CDKL4: variants seen among roughly 807,000 people sequenced by gnomAD.
The protein encoded by CDKL4 is cyclin dependent kinase like 4.
A neutral mutation model predicts 42.0 loss-of-function variants in CDKL4; 44 were observed. The observed-to-expected ratio is 1.05, with a 90% CI of 0.82 to 1.35. The LOEUF (loss-of-function observed/expected upper bound fraction) is 1.35. Among genes scored for constraint, CDKL4 ranks in the 40% most tolerant of loss-of-function variants. The pLI, the probability that CDKL4 is intolerant of heterozygous loss-of-function variation, is 0.00. For missense variants in CDKL4, 393 were observed against 369.9 expected (o/e 1.06, Z -0.51); for synonymous variants, 120 against 121.6 (o/e 0.99, Z 0.09).
upstream of CDKL4, among the ~76,000 whole-genome samples, chr2:39,247,117 T>C (rs1315519483): frequency 6.6e-6 from 1 of 152,192 alleles, no homozygotes; most frequent in Non-Finnish European, 1.5e-5. Context: ...GAATACTGGT[T>C]GGGAATTAAA....
At chr2:39,196,866 C>T (rs1318427662) in intron 5 of CDKL4, among the ~76,000 whole-genome samples, 4 of 152,166 alleles carry the variant, frequency 2.6e-5, no homozygotes, top group African/African-American at 9.6e-5. Context: ...CTTGGCCTCC[C>T]AAAGTGTTGG....
chr2:39,202,038 C>T (rs960418357), intron 5 of CDKL4, among the ~76,000 whole-genome samples: 5 of 152,046 alleles, frequency 3.3e-5, no homozygotes, highest in African/African-American at 1.2e-4. Flanking sequence ...TCAAGACAAG[C>T]CTGGCCAACA....
rs1256094087 is a variant in CDKL4, at chr2:39,236,200, C to A, written c.-56-6612G>T. Among the ~76,000 whole-genome samples, 9 of 139,550 alleles carry A rather than the reference C, an allele frequency of 6.4e-5. No homozygotes were observed. The East Asian group carries it at 1.2e-3, about 19-fold the overall frequency. The allele number at this position is 139,550 out of a possible 152,430, so 91.6% of individuals were successfully genotyped here. ...GAAATGAAAAATCCTGTAGATGGGACAAACAGCAGATCTGAGATGACAGAA... is the reference window on the plus strand; with the variant it reads ...GAAATGAAAAATCCTGTAGATGGGAAAAACAGCAGATCTGAGATGACAGAA... On this transcript the variant is annotated intron_variant, in intron 1 of 9. Transcript: ENST00000451199.
At chr2:39,172,303 G>C (rs1371452362), downstream of CDKL4, among the ~76,000 whole-genome samples, 1 of 150,416 alleles carries the variant, frequency 6.6e-6, no homozygotes, top group Non-Finnish European at 1.5e-5. Context: ...GACAGGGTGA[G>C]ACTCTGTCCC....
At chr2:39,205,916 G>C (rs1292122211) in intron 4 of CDKL4, among the ~76,000 whole-genome samples, 4 of 152,106 alleles carry the variant, frequency 2.6e-5, no homozygotes, top group Middle Eastern at 3.2e-3. Flanking sequence ...CCAGGGGATG[G>C]GGATCACTTC....
At chr2:39,195,042 C>T (rs2148313991) in intron 5 of CDKL4, among the ~76,000 whole-genome samples, 1 of 152,266 alleles carries the variant, frequency 6.6e-6, no homozygotes, top group South Asian at 2.1e-4. Context: ...CTAGGTAGAG[C>T]ACGTAAATAG....
intron 5 of CDKL4, among the ~76,000 whole-genome samples, chr2:39,196,361 C>T (rs1676516239): frequency 2.6e-5 from 4 of 152,146 alleles, no homozygotes. Flanking sequence ...GCAGACACTT[C>T]CTAGTACCAG....
At position 39,210,152 on chromosome 2, in the gene CDKL4, G is replaced by A. The variant is rs577129207; in HGVS notation, c.363+3248C>T. Among the ~76,000 whole-genome samples, 7 of 152,098 alleles carry A rather than the reference G, an allele frequency of 4.6e-5. No individual in the cohort carries two copies. In the South Asian group the frequency reaches 8.3e-4, roughly 18 times the overall value. ...ATTACAGGCATGCATTGCCATGCCC[G>A]GCTAATTTTTGTATTTTTAGTAGAG... On this transcript the variant is annotated intron_variant, in intron 4 of 9. Coordinates refer to ENST00000451199, the Ensembl canonical transcript of CDKL4.
At chr2:39,197,697 C>T (rs531910985) in intron 5 of CDKL4, among the ~76,000 whole-genome samples, 1 of 152,236 alleles carries the variant, frequency 6.6e-6, no homozygotes, top group Admixed American at 6.5e-5. Context: ...CCTCCTTAAA[C>T]AAAACAATTA....
chr2:39,203,373 T>C (rs1038901993), intron 5 of CDKL4, among the ~76,000 whole-genome samples: 14 of 152,292 alleles, frequency 9.2e-5, no homozygotes, highest in Admixed American at 3.3e-4. Flanking sequence ...TCTTAATGCT[T>C]GTAATGGCGT....
At chr2:39,189,751 A>T (rs1234554428) in intron 6 of CDKL4, among the ~76,000 whole-genome samples, 1 of 152,236 alleles carries the variant, frequency 6.6e-6, no homozygotes, top group Non-Finnish European at 1.5e-5. Flanking sequence ...TGTGTCCATA[A>T]ATAAAGTTCT....
Position 39,220,320 on chromosome 2 carries a change from T to A in CDKL4, c.290+5519A>T, listed in dbSNP as rs140056515. ...AGGTGCATTTTGTGGGGATGCCCGC[T>A]CTCTTCAAGCCTCCTCTCCCCACCT... On this transcript the variant is annotated intron_variant, in intron 3 of 9. Transcript: ENST00000451199. Among the ~76,000 whole-genome samples the A allele has an allele frequency of 1.5e-3, 223 of 152,172 alleles. 1 individual carries two copies. Among genetic ancestry groups the A allele is most frequent in the African/African-American group, 5.1e-3 (211 of 41,502 alleles).
At chr2:39,190,594 A>G (rs536539767) in intron 5 of CDKL4, 92 bp from the exon 6 acceptor site, 4 of 1,015,174 alleles carry the variant, frequency 3.9e-6, no homozygotes, top group East Asian at 2.4e-5. Flanking sequence ...TGCAATAACC[A>G]TCAGAGGCCA....
At chr2:39,170,012 C>T in the CDKL4 span, among the ~76,000 whole-genome samples, 4 of 152,140 alleles carry the variant, frequency 2.6e-5, no homozygotes, top group East Asian at 7.8e-4. Flanking sequence ...AGGCCCACGC[C>T]ACCACTCCTG....
intron 3 of CDKL4, among the ~76,000 whole-genome samples, chr2:39,215,443 G>A (rs944735994): frequency 1.9e-4 from 29 of 152,160 alleles, no homozygotes; most frequent in Admixed American, 1.8e-3. Flanking sequence ...TGTTGATGGA[G>A]ATGCGGCTGT....
upstream of CDKL4, among the ~76,000 whole-genome samples, chr2:39,244,465 C>T (rs1679821609): frequency 6.6e-6 from 1 of 152,254 alleles, no homozygotes; most frequent in Non-Finnish European, 1.5e-5. Context: ...AGTGCCAGCC[C>T]ACCGGCGCTG....
At chr2:39,208,701 CTTT>C (rs761337117) in intron 4 of CDKL4, among the ~76,000 whole-genome samples, 11 of 101,994 alleles carry the variant, frequency 1.1e-4, no homozygotes, top group Admixed American at 3.1e-4. Context: ...GACGGGCAAT[CTTT>C]TTTTTTTTTT....
rs764324838 is a variant in CDKL4, at chr2:39,187,603, A to G, written c.735+24T>C. On this transcript the variant is annotated intron_variant, in intron 7 of 9. Coordinates refer to ENST00000451199, the Ensembl canonical transcript of CDKL4. ...AAGAAAGCCGCAACACAAGTAATAA[A>G]ATATTCAAAACAGAGCAGCTTACCA... 7.3e-6 allele frequency: 11 copies of G among 1,504,172 alleles called. 1 individual carries two copies. In the South Asian group the frequency reaches 1.3e-4, roughly 18 times the overall value. 93.2% of individuals were successfully genotyped at this position (1,504,172 alleles called of 1,614,324 possible). A position where few individuals can be genotyped will look rare whatever the true frequency, so the allele number is the denominator to read the frequency against.
At chr2:39,219,032 T>C (rs1052275473) in intron 3 of CDKL4, among the ~76,000 whole-genome samples, 1 of 152,336 alleles carries the variant, frequency 6.6e-6, no homozygotes, top group Non-Finnish European at 1.5e-5. Context: ...TCTTCTTTAT[T>C]GTTGGACTAC....
Sources: allele counts gnomAD v4.1 joint callset (sites outside exome capture counted in the v4.1 genomes callset), GRCh38; gene constraint gnomAD v4.1.1; transcripts MANE v1.5; gene names NCBI Gene and HGNC (gene_info 2026-07-23, HGNC 2026-07-21).